Variants in ZHX2 observed in about 807,000 individuals in gnomAD.
ZHX2 encodes the protein zinc fingers and homeoboxes protein 2.
In ZHX2, 6 loss-of-function variants were observed where a neutral mutation model predicts 21.9. The ratio of observed to expected loss-of-function variants is 0.27; its 90% CI spans 0.15 to 0.54. ZHX2 has a LOEUF of 0.54. Ranked by LOEUF, ZHX2 falls within the 20% of genes least tolerant of loss-of-function variation. The pLI, the probability that ZHX2 is intolerant of heterozygous loss-of-function variation, is 0.95. For synonymous variants in ZHX2, 434 were observed against 437.1 expected (o/e 0.99, Z 0.09); for missense variants, 908 against 1,090.7 (o/e 0.83, Z 2.36).
intron 2 of ZHX2, among the ~76,000 whole-genome samples, chr8:122,942,921 C>T (rs980446480): frequency 6.6e-6 from 1 of 152,194 alleles, no homozygotes; most frequent in Non-Finnish European, 1.5e-5. Flanking sequence ...TACCTTAAAG[C>T]TTGCTGCACC....
chr8:122,790,921 C>G (rs1011658761), intron 1 of ZHX2, among the ~76,000 whole-genome samples: 1 of 152,148 alleles, frequency 6.6e-6, no homozygotes, highest in African/African-American at 2.4e-5. Context: ...TGTTGTGATT[C>G]TGTTATCCCC....
At chr8:122,972,322 T>C (rs1813744698) in intron 3 of ZHX2, among the ~76,000 whole-genome samples, 3 of 152,228 alleles carry the variant, frequency 2.0e-5, no homozygotes, top group Admixed American at 2.0e-4. Context: ...CCATTCCACC[T>C]ATAATAAGGT....
chr8:122,865,943 A>G (rs1445650289), intron 2 of ZHX2, among the ~76,000 whole-genome samples: 2 of 152,148 alleles, frequency 1.3e-5, no homozygotes, highest in Non-Finnish European at 2.9e-5. Context: ...AAGGCTGTCA[A>G]GGTGGCACTG....
intron 2 of ZHX2, among the ~76,000 whole-genome samples, chr8:122,944,811 A>G (rs1812929532): frequency 6.6e-6 from 1 of 152,170 alleles, no homozygotes; most frequent in Non-Finnish European, 1.5e-5. Context: ...CCTAAAATCC[A>G]TATGTTGAGG....
At chr8:122,790,072 C>A (rs1042166302) in intron 1 of ZHX2, among the ~76,000 whole-genome samples, 14 of 152,130 alleles carry the variant, frequency 9.2e-5, no homozygotes, top group African/African-American at 3.4e-4. Context: ...GACTTTGGCA[C>A]TTTTAGAATA....
At chr8:122,804,571 C>T (rs1236518826) in intron 1 of ZHX2, among the ~76,000 whole-genome samples, 1 of 152,128 alleles carries the variant, frequency 6.6e-6, no homozygotes, top group African/African-American at 2.4e-5. Flanking sequence ...CAAGGTGGCC[C>T]ATGTAGTGAA....
intron 2 of ZHX2, among the ~76,000 whole-genome samples, chr8:122,935,187 C>A (rs1426875705): frequency 6.6e-6 from 1 of 150,918 alleles, no homozygotes; most frequent in East Asian, 1.9e-4. Flanking sequence ...AAGCTCTTAT[C>A]TCATATTTAT....
rs920881662 is a variant in ZHX2, at chr8:122,953,272, G to A, written c.1762G>A (p.Glu588Lys). The A allele has an allele frequency of 1.2e-6, 2 of 1,614,088 alleles. No individual in the cohort carries two copies. Among genetic ancestry groups the A allele is most frequent in the Non-Finnish European group, 1.7e-6 (2 of 1,180,034 alleles). The part of the protein sequence containing the change: ...SERRKLRDSM[E>K]QAVLDSMGSG... ...GAGGCGGAAGCTTCGAGACAGCATG[G>A]AACAAGCTGTCTTGGATTCCATGGG... is the stretch of plus-strand genomic sequence containing the variant. Residue 588 changes from glutamate (E) to lysine (K), a missense_variant, in exon 3 of 4, where the codon GAA becomes AAA. By Grantham distance (56) the Glu-to-Lys change is moderately conservative (BLOSUM62 1). This residue lies in a region of ZHX2 where 431 missense variants were observed against 428.6 expected (regional missense o/e 1.01). Coordinates refer to ENST00000314393, the MANE Select transcript of ZHX2 (RefSeq NM_014943.5). This position sits in a 1 kb window ranked among gnomAD's most constrained non-coding sequence, Gnocchi z 4.6.
intron 3 of ZHX2, among the ~76,000 whole-genome samples, chr8:122,968,323 G>A (rs1293229860): frequency 6.6e-6 from 1 of 152,084 alleles, no homozygotes; most frequent in Non-Finnish European, 1.5e-5. Flanking sequence ...CAACCCTAGA[G>A]GCCCTTCAAA....
At chr8:122,931,876 A>T (rs957611666) in intron 2 of ZHX2, among the ~76,000 whole-genome samples, 2 of 152,206 alleles carry the variant, frequency 1.3e-5, no homozygotes, top group Non-Finnish European at 2.9e-5. Flanking sequence ...GGAGGCCTAG[A>T]TGAGAGATGA....
intron 1 of ZHX2, among the ~76,000 whole-genome samples, chr8:122,805,149 C>T (rs557490260): frequency 7.4e-5 from 11 of 148,580 alleles, no homozygotes; most frequent in South Asian, 2.2e-4. Context: ...GCAAAGGAAG[C>T]GCTGGGTGGG....
chr8:122,937,098 A>G (rs887543089), intron 2 of ZHX2, among the ~76,000 whole-genome samples: 10 of 152,252 alleles, frequency 6.6e-5, no homozygotes, highest in Non-Finnish European at 1.3e-4. Flanking sequence ...AAAGGGCACT[A>G]GGTAGGCAAT....
intron 1 of ZHX2, among the ~76,000 whole-genome samples, chr8:122,791,026 T>C (rs1313476703): frequency 1.3e-5 from 2 of 152,234 alleles, no homozygotes; most frequent in Non-Finnish European, 2.9e-5. Flanking sequence ...TCATCAAGCC[T>C]GGGCACATTT....
intron 1 of ZHX2, among the ~76,000 whole-genome samples, chr8:122,824,608 AAG>A (rs1285725078): frequency 1.3e-5 from 2 of 152,208 alleles, no homozygotes; most frequent in African/African-American, 4.8e-5. Flanking sequence ...TTTTCGGAGA[AAG>A]AAACAGAGGG....
intron 1 of ZHX2, among the ~76,000 whole-genome samples, chr8:122,819,878 G>A (rs566932215): frequency 3.3e-5 from 5 of 152,304 alleles, no homozygotes; most frequent in African/African-American, 1.2e-4. Flanking sequence ...AATCAAAGCT[G>A]AGAGCCTGCA....
At chr8:122,874,286 C>T (rs1454651580) in intron 2 of ZHX2, among the ~76,000 whole-genome samples, 1 of 152,174 alleles carries the variant, frequency 6.6e-6, no homozygotes, top group African/African-American at 2.4e-5. Context: ...TTGTTACAAT[C>T]ATCAGTTCTA....
chr8:122,896,044 AG>A (rs1820091754), intron 2 of ZHX2, among the ~76,000 whole-genome samples: 1 of 152,036 alleles, frequency 6.6e-6, no homozygotes, highest in African/African-American at 2.4e-5. Flanking sequence ...TGCTGACAGG[AG>A]GGGCTGATGG....
At chr8:122,865,419 C>T (rs1048106772) in intron 2 of ZHX2, among the ~76,000 whole-genome samples, 3 of 152,208 alleles carry the variant, frequency 2.0e-5, no homozygotes, top group Non-Finnish European at 2.9e-5. Flanking sequence ...TGAGCCACCA[C>T]GCCCGGCCGA....
chr8:122,876,822 A>G (rs1819585811), intron 2 of ZHX2, among the ~76,000 whole-genome samples: 1 of 152,182 alleles, frequency 6.6e-6, no homozygotes, highest in Admixed American at 6.5e-5. Context: ...GGGTGAGAAG[A>G]AGCCCATCTT....
Sources: allele counts gnomAD v4.1 joint callset (sites outside exome capture counted in the v4.1 genomes callset), GRCh38; gene constraint gnomAD v4.1.1; regional missense constraint gnomAD v4.1.1; non-coding constraint Gnocchi (gnomAD v3.1); transcripts MANE v1.5; gene names NCBI Gene and HGNC (gene_info 2026-07-23, HGNC 2026-07-21).